Variants in LPGAT1 observed in about 807,000 individuals in gnomAD.
LPGAT1 encodes the protein lysophosphatidylglycerol acyltransferase 1.
LPGAT1 carries 11 observed loss-of-function variants against 47.5 expected under a neutral mutation model. That is an observed-to-expected ratio of 0.23 (90% CI 0.15 to 0.38). The LOEUF (loss-of-function observed/expected upper bound fraction) is 0.38, where lower values mean the gene tolerates loss of function less well. Ranked by LOEUF, LPGAT1 falls within the 10% of genes least tolerant of loss-of-function variation. The pLI is 1.00. For synonymous variants in LPGAT1, 138 were observed against 144.2 expected (o/e 0.96, Z 0.31); for missense variants, 293 against 439.0 (o/e 0.67, Z 2.97).
At chr1:211,818,122 A>G (rs1323381378) in intron 2 of LPGAT1, among the ~76,000 whole-genome samples, 2 of 152,172 alleles carry the variant, frequency 1.3e-5, no homozygotes, top group Non-Finnish European at 2.9e-5. Flanking sequence ...CGCGTGAACC[A>G]CCGTACCCAG....
At chr1:211,782,274 G>T (rs543991500) in intron 5 of LPGAT1, among the ~76,000 whole-genome samples, 5 of 152,006 alleles carry the variant, frequency 3.3e-5, no homozygotes, top group Non-Finnish European at 7.4e-5. Context: ...CCAATTTTTT[G>T]GCTATTATAA....
chr1:211,795,609 C>T (rs1010346838), intron 2 of LPGAT1, among the ~76,000 whole-genome samples: 2 of 152,150 alleles, frequency 1.3e-5, no homozygotes, highest in African/African-American at 2.4e-5. Context: ...TCAGGTGATC[C>T]GCCCACCTCG....
chr1:211,777,303 C>G (rs973853579), intron 6 of LPGAT1, among the ~76,000 whole-genome samples: 1 of 152,270 alleles, frequency 6.6e-6, no homozygotes, highest in East Asian at 1.9e-4. Flanking sequence ...CATTTGCTCT[C>G]CATTTCTGAA....
intron 6 of LPGAT1, among the ~76,000 whole-genome samples, chr1:211,761,253 A>C (rs751749871): frequency 6.6e-6 from 1 of 152,214 alleles, no homozygotes; most frequent in Non-Finnish European, 1.5e-5. Flanking sequence ...AATGTCTGCC[A>C]ATCTATTATC....
chr1:211,828,942 AT>A (rs1200345807), intron 2 of LPGAT1, 116 bp downstream of exon 2: 13 of 979,542 alleles, frequency 1.3e-5, no homozygotes, highest in African/African-American at 3.3e-5. Context: ...TTTTCTTTTT[AT>A]TTTTTTCAAT....
intron 2 of LPGAT1, among the ~76,000 whole-genome samples, chr1:211,818,383 G>A (rs1419147682): frequency 1.3e-5 from 2 of 152,154 alleles, no homozygotes; most frequent in Admixed American, 6.5e-5. Flanking sequence ...CCAGCAAATC[G>A]TTACTATGCA....
rs149168821 is a variant in LPGAT1, at chr1:211,755,944, G to T, written c.855-4877C>A. 2.4e-3 allele frequency among the ~76,000 whole-genome samples: 371 copies of T among 152,236 alleles called. 2 individuals carry two copies. Among genetic ancestry groups the T allele is most frequent in the African/African-American group, 8.3e-3 (344 of 41,536 alleles). Reference sequence around the variant, plus strand: ...GTCCAGAAACTTCAAGTTTCAGCTTGCTGCTGTAAAATCCCCTATTATCTG... The same window carrying T: ...GTCCAGAAACTTCAAGTTTCAGCTTTCTGCTGTAAAATCCCCTATTATCTG... On this transcript the variant is annotated intron_variant, in intron 6 of 7. Transcript: ENST00000366997.
chr1:211,802,629 G>A (rs1659618888), intron 2 of LPGAT1, among the ~76,000 whole-genome samples: 1 of 151,976 alleles, frequency 6.6e-6, no homozygotes, highest in African/African-American at 2.4e-5. Context: ...TTAAAAACAA[G>A]ATGAAAAACA....
chr1:211,790,423 AAT>A (rs55936293), intron 3 of LPGAT1, among the ~76,000 whole-genome samples: 13,180 of 152,224 alleles, frequency 0.087, 661 homozygotes, highest in Admixed American at 0.15. Flanking sequence ...ACTGGCCCAC[AAT>A]ATAGCCTTCC....
At chr1:211,750,116 GAAT>G (rs1281970520) in intron 7 of LPGAT1, 66 bp from the exon 8 acceptor site, 1 of 1,382,672 alleles carries the variant, frequency 7.2e-7, no homozygotes, top group Non-Finnish European at 1.0e-6. Flanking sequence ...AATAAAAGTT[GAAT>G]ATTAGCTTAA....
At chr1:211,796,422 G>A (rs894159601) in intron 2 of LPGAT1, among the ~76,000 whole-genome samples, 1 of 152,158 alleles carries the variant, frequency 6.6e-6, no homozygotes, top group African/African-American at 2.4e-5. Context: ...AGATTGAAGT[G>A]ACGCACCTAC....
intron 6 of LPGAT1, among the ~76,000 whole-genome samples, chr1:211,751,677 G>A (rs1292955073): frequency 2.0e-5 from 3 of 152,264 alleles, no homozygotes; most frequent in Admixed American, 6.5e-5. Context: ...TGGACTGAGA[G>A]GGGACAGGCA....
intron 3 of LPGAT1, among the ~76,000 whole-genome samples, chr1:211,791,253 T>C (rs999641004): frequency 2.0e-5 from 3 of 152,224 alleles, no homozygotes; most frequent in African/African-American, 7.2e-5. Context: ...TCAAAATCTC[T>C]GGAACCTAAA....
chr1:211,757,736 A>C (rs1657525368), intron 6 of LPGAT1, among the ~76,000 whole-genome samples: 1 of 152,214 alleles, frequency 6.6e-6, no homozygotes. Flanking sequence ...CAAGGAGATA[A>C]AATTTCAAAT....
intron 6 of LPGAT1, among the ~76,000 whole-genome samples, chr1:211,773,311 T>G (rs777365680): frequency 6.6e-6 from 1 of 152,172 alleles, no homozygotes; most frequent in Non-Finnish European, 1.5e-5. Context: ...AAAGCAAATA[T>G]GTCAAAATGT....
At chr1:211,784,757 T>C (rs72746531) in intron 4 of LPGAT1, among the ~76,000 whole-genome samples, 13,025 of 151,508 alleles carry the variant, frequency 0.086, 665 homozygotes, top group Admixed American at 0.15. Context: ...CCAGAAAAAT[T>C]TGTAGGAAGG....
chr1:211,759,415 T>C (rs1478468625), intron 6 of LPGAT1, among the ~76,000 whole-genome samples: 1 of 152,186 alleles, frequency 6.6e-6, no homozygotes, highest in Non-Finnish European at 1.5e-5. Context: ...AGATTTGTAG[T>C]GATATCCCCC....
intron 2 of LPGAT1, among the ~76,000 whole-genome samples, chr1:211,801,332 AG>A (rs1291684434): frequency 1.3e-5 from 2 of 152,186 alleles, no homozygotes; most frequent in African/African-American, 4.8e-5. Context: ...TGTAGTTCCT[AG>A]TCACTTTCCT....
intron 6 of LPGAT1, among the ~76,000 whole-genome samples, chr1:211,766,859 C>G (rs1657939525): frequency 6.6e-6 from 1 of 152,220 alleles, no homozygotes; most frequent in East Asian, 1.9e-4. Flanking sequence ...TACCTTAAGT[C>G]AGGGACCATC....
Sources: allele counts gnomAD v4.1 joint callset (sites outside exome capture counted in the v4.1 genomes callset), GRCh38; gene constraint gnomAD v4.1.1; transcripts MANE v1.5; gene names NCBI Gene and HGNC (gene_info 2026-07-23, HGNC 2026-07-21).